Variants in ABCC4 observed in about 807,000 individuals in gnomAD.
ABCC4 encodes the protein ATP binding cassette subfamily C member 4 (PEL blood group).
A neutral mutation model predicts 168.5 loss-of-function variants in ABCC4; 102 were observed. That is an observed-to-expected ratio of 0.61 (90% CI 0.52 to 0.71). The LOEUF (loss-of-function observed/expected upper bound fraction) is 0.71. Ranked by LOEUF, ABCC4 falls within the 30% of genes least tolerant of loss-of-function variation. The pLI, the probability that ABCC4 is intolerant of heterozygous loss-of-function variation, is 0.00. For missense variants in ABCC4, 1,402 were observed against 1,605.8 expected, an observed-to-expected ratio of 0.87 and a Z score of 2.17; for synonymous variants, 617 against 590.7, an observed-to-expected ratio of 1.04 and a Z score of -0.65.
intron 20 of ABCC4, among the ~76,000 whole-genome samples, chr13:95,091,388 G>A (rs2034429978): frequency 6.6e-6 from 1 of 152,194 alleles, no homozygotes; most frequent in African/African-American, 2.4e-5. Context: ...CTTAAGAGCT[G>A]TGAGACAGAA....
chr13:95,197,765 TC>T (rs1215046882), intron 8 of ABCC4, among the ~76,000 whole-genome samples: 8 of 152,180 alleles, frequency 5.3e-5, no homozygotes, highest in African/African-American at 1.9e-4. Flanking sequence ...GATGTGGAAG[TC>T]ATTGAAGACT....
At chr13:95,134,306 G>C (rs1181089977) in intron 19 of ABCC4, among the ~76,000 whole-genome samples, 1 of 152,204 alleles carries the variant, frequency 6.6e-6, no homozygotes, top group Non-Finnish European at 1.5e-5. Flanking sequence ...ACTTCCAGGG[G>C]ATGTGTTTCT....
At chr13:95,197,401 C>T (rs2038487732) in intron 8 of ABCC4, among the ~76,000 whole-genome samples, 1 of 152,138 alleles carries the variant, frequency 6.6e-6, no homozygotes, top group African/African-American at 2.4e-5. Flanking sequence ...AGTTCCCCAC[C>T]TTCAAAATAA....
intron 19 of ABCC4, among the ~76,000 whole-genome samples, chr13:95,119,950 C>T (rs1394953865): frequency 6.6e-6 from 1 of 152,202 alleles, no homozygotes; most frequent in Non-Finnish European, 1.5e-5. Flanking sequence ...TCCCTATGCC[C>T]ACCCCAGCCT....
intron 28 of ABCC4, among the ~76,000 whole-genome samples, 193 bp from the exon 29 acceptor site, chr13:95,043,980 C>T (rs927222017): frequency 6.6e-6 from 1 of 152,122 alleles, no homozygotes; most frequent in Non-Finnish European, 1.5e-5. Flanking sequence ...TAGTAATTTA[C>T]TAATTTTCAT....
At chr13:95,252,400 G>T (rs540345590) in intron 1 of ABCC4, among the ~76,000 whole-genome samples, 4 of 152,242 alleles carry the variant, frequency 2.6e-5, no homozygotes, top group Non-Finnish European at 5.9e-5. Context: ...GTAGGGCCAG[G>T]TGTGGTGGCT....
intron 29 of ABCC4, 73 bp from the exon 30 acceptor site, chr13:95,034,812 T>G (rs1299301358): frequency 6.2e-7 from 1 of 1,601,614 alleles, no homozygotes; most frequent in East Asian, 2.2e-5. Context: ...AGACAATATT[T>G]CGGAAAGGGG....
chr13:95,021,741 T>C, intron 30 of ABCC4, 59 bp from the exon 31 acceptor site: 3 of 1,171,666 alleles, frequency 2.6e-6, no homozygotes, highest in Non-Finnish European at 1.2e-6. Flanking sequence ...GTCTCCTCCC[T>C]GAAACAATGC....
intron 1 of ABCC4, among the ~76,000 whole-genome samples, chr13:95,261,545 T>C (rs544743785): frequency 2.0e-5 from 3 of 152,300 alleles, no homozygotes; most frequent in South Asian, 4.1e-4. Context: ...CTTAAATTCA[T>C]TGTCATTAAA....
intron 21 of ABCC4, among the ~76,000 whole-genome samples, chr13:95,076,120 G>A (rs758953525): frequency 1.2e-4 from 19 of 152,224 alleles, no homozygotes; most frequent in Non-Finnish European, 2.5e-4. Flanking sequence ...CTGCATCCTG[G>A]GGAATCTTCT....
At chr13:95,261,258 G>A (rs934237888) in intron 1 of ABCC4, among the ~76,000 whole-genome samples, 1 of 151,954 alleles carries the variant, frequency 6.6e-6, no homozygotes, top group African/African-American at 2.4e-5. Flanking sequence ...GACCAGCCTT[G>A]ACCAAAATAG....
In ABCC4 at chr13:95,021,337, A is replaced by G; in HGVS notation, c.*238T>C. Reference sequence around the variant, plus strand: ...CACAAAACCTGATAGACGGCATTTAACTGGTGGCCTGCACCTCTGATTTGG... The same window carrying G: ...CACAAAACCTGATAGACGGCATTTAGCTGGTGGCCTGCACCTCTGATTTGG... On this transcript the variant is annotated 3_prime_UTR_variant, in exon 31 of 31. Transcript: ENST00000645237. The G allele has an allele frequency of 2.4e-6, 1 of 423,506 alleles. No homozygotes were observed. Among genetic ancestry groups the G allele is most frequent in the Non-Finnish European group, 4.2e-6 (1 of 238,994 alleles). The allele number at this position is 423,506 out of a possible 1,614,324, so 26.2% of individuals were successfully genotyped here. A position where few individuals can be genotyped will look rare whatever the true frequency, so the allele number is the denominator to read the frequency against.
At chr13:95,281,134 AC>A (rs1395585997) in intron 1 of ABCC4, among the ~76,000 whole-genome samples, 2 of 151,756 alleles carry the variant, frequency 1.3e-5, no homozygotes, top group Non-Finnish European at 2.9e-5. Context: ...ACATGGTGAA[AC>A]CCCATCTCTA....
chr13:95,128,325 C>T (rs1349165620), intron 19 of ABCC4, among the ~76,000 whole-genome samples: 2 of 152,194 alleles, frequency 1.3e-5, no homozygotes, highest in South Asian at 2.1e-4. Context: ...CATTAAACCT[C>T]CTGTGCCACA....
chr13:95,049,504 G>T (rs2032737001), intron 27 of ABCC4, among the ~76,000 whole-genome samples: 2 of 151,956 alleles, frequency 1.3e-5, no homozygotes, highest in Non-Finnish European at 2.9e-5. Context: ...TAGCCGGCAT[G>T]GTGGCAGGCA....
At chr13:95,102,060 G>C (rs1480917263) in intron 20 of ABCC4, among the ~76,000 whole-genome samples, 1 of 152,176 alleles carries the variant, frequency 6.6e-6, no homozygotes, top group Non-Finnish European at 1.5e-5. Context: ...GAGAAGGTAA[G>C]CGGTAGAGCT....
chr13:95,049,248 C>G (rs1479805376), intron 27 of ABCC4, among the ~76,000 whole-genome samples: 2 of 151,970 alleles, frequency 1.3e-5, no homozygotes, highest in Non-Finnish European at 2.9e-5. Flanking sequence ...GCAGGAGAAT[C>G]ACTTGAACCC....
At chr13:95,182,580 T>A (rs1234285332) in intron 11 of ABCC4, among the ~76,000 whole-genome samples, 1 of 152,238 alleles carries the variant, frequency 6.6e-6, no homozygotes, top group African/African-American at 2.4e-5. Flanking sequence ...AATTGGTGGC[T>A]CTTATAATTA....
intron 30 of ABCC4, among the ~76,000 whole-genome samples, chr13:95,022,045 G>A (rs1178213282): frequency 6.6e-6 from 1 of 152,146 alleles, no homozygotes; most frequent in African/African-American, 2.4e-5. Context: ...CTGCATGAGG[G>A]TTTCTCATTT....
Sources: allele counts gnomAD v4.1 joint callset (sites outside exome capture counted in the v4.1 genomes callset), GRCh38; gene constraint gnomAD v4.1.1; transcripts MANE v1.5; gene names NCBI Gene and HGNC (gene_info 2026-07-23, HGNC 2026-07-21).